The following PID1 variants were observed in gnomAD, a reference collection of about 807,000 sequenced individuals.
PID1 encodes PTB-containing, cubilin and LRP1-interacting protein.
PID1 carries 10 observed loss-of-function variants against 19.1 expected under a neutral mutation model. The ratio of observed to expected loss-of-function variants is 0.52; its 90% CI spans 0.32 to 0.89. The LOEUF is 0.89. Among genes scored for constraint, PID1 ranks in the 40% least tolerant of loss-of-function variants. The pLI, the probability that PID1 is intolerant of heterozygous loss-of-function variation, is 0.03. For missense variants in PID1, 248 were observed against 285.3 expected (o/e 0.87, Z 0.94); for synonymous variants, 130 against 116.0 (o/e 1.12, Z -0.78).
At chr2:229,070,410 T>C (rs185859956) in intron 2 of PID1, among the ~76,000 whole-genome samples, 16 of 152,334 alleles carry the variant, frequency 1.1e-4, no homozygotes, top group Admixed American at 4.6e-4. Flanking sequence ...AGATAACCCA[T>C]GTAAAGGGCT....
At chr2:229,201,829 G>A (rs915416058) in intron 1 of PID1, among the ~76,000 whole-genome samples, 1 of 151,920 alleles carries the variant, frequency 6.6e-6, no homozygotes, top group Non-Finnish European at 1.5e-5. Flanking sequence ...AATAGGTGTC[G>A]GGTAGTATCT....
In PID1 at chr2:229,125,248, T is replaced by C. The variant is rs78329014; in HGVS notation, c.177+30570A>G. On this transcript the variant is annotated intron_variant, in intron 2 of 2. Coordinates refer to ENST00000392055, the MANE Select transcript of PID1 (RefSeq NM_001100818.2). The stretch of plus-strand genomic sequence containing the variant: ...GACATTCTAAATGGAAGAGGCTTCA[T>C]CAGCTTGGGTCTCAGAGTAGAAATG... Among the ~76,000 whole-genome samples the C allele has an allele frequency of 1.0e-3, 155 of 152,276 alleles. 1 individual carries two copies. Among genetic ancestry groups the C allele is most frequent in the East Asian group, 8.7e-3 (45 of 5,176 alleles).
intron 2 of PID1, among the ~76,000 whole-genome samples, chr2:229,142,387 G>A (rs918677936): frequency 6.6e-6 from 1 of 152,058 alleles, no homozygotes; most frequent in Non-Finnish European, 1.5e-5. Context: ...AATATGTATC[G>A]CCTCTCCTTC....
At chr2:229,199,660 G>A (rs1691450594) in intron 1 of PID1, among the ~76,000 whole-genome samples, 2 of 149,866 alleles carry the variant, frequency 1.3e-5, no homozygotes, top group South Asian at 4.2e-4. Context: ...GCATTTAAAG[G>A]AAGCTGCTTA....
intron 2 of PID1, among the ~76,000 whole-genome samples, chr2:229,138,997 A>G (rs1015594036): frequency 1.1e-5 from 1 of 90,384 alleles, no homozygotes; most frequent in Admixed American, 1.1e-4. Context: ...GAAAGAAAGA[A>G]AGAAAGAAAG....
intron 2 of PID1, among the ~76,000 whole-genome samples, chr2:229,085,656 G>A (rs1694750119): frequency 2.0e-5 from 3 of 152,020 alleles, no homozygotes; most frequent in Admixed American, 2.0e-4. Context: ...TGTGATACCT[G>A]ACAACACAAG....
At position 229,139,043 on chromosome 2, in the gene PID1, A is replaced by AGG. The variant is rs1553565683; in HGVS notation, c.177+16774_177+16775insCC. ...AGAAAGAAAGAAAGAAAGAAAGAGA[A>AGG]AGAAAGAAAGAAAGAGAAAGAAAGA... is the stretch of plus-strand genomic sequence containing the variant. On this transcript the variant is annotated intron_variant, in intron 2 of 2. Coordinates refer to ENST00000392055, the MANE Select transcript of PID1 (RefSeq NM_001100818.2). Among the ~76,000 whole-genome samples, 171 of 63,576 alleles carry AGG rather than the reference A, an allele frequency of 2.7e-3. 9 individuals carry two copies. Among genetic ancestry groups the AGG allele is most frequent in the Non-Finnish European group, 4.3e-3 (120 of 27,854 alleles). 41.7% of individuals were successfully genotyped at this position (63,576 alleles called of 152,430 possible). A position where few individuals can be genotyped will look rare whatever the true frequency, so the allele number is the denominator to read the frequency against.
intron 1 of PID1, among the ~76,000 whole-genome samples, chr2:229,199,033 T>C (rs1691435701): frequency 1.3e-5 from 2 of 152,004 alleles, no homozygotes; most frequent in Admixed American, 6.6e-5. Flanking sequence ...TCTAACCTCA[T>C]TTTCCTCCTC....
At chr2:229,033,644 C>T (rs759574857) in intron 2 of PID1, among the ~76,000 whole-genome samples, 3 of 151,976 alleles carry the variant, frequency 2.0e-5, no homozygotes, top group Admixed American at 6.6e-5. Context: ...TAAACCTGCA[C>T]GTTCTGCACA....
intron 2 of PID1, among the ~76,000 whole-genome samples, chr2:229,045,222 G>C (rs1481086185): frequency 6.6e-6 from 1 of 152,154 alleles, no homozygotes; most frequent in Non-Finnish European, 1.5e-5. Flanking sequence ...CCAAAATATT[G>C]GGATTACAGG....
At chr2:229,038,834 A>G (rs1241030415) in intron 2 of PID1, among the ~76,000 whole-genome samples, 2 of 152,222 alleles carry the variant, frequency 1.3e-5, no homozygotes, top group African/African-American at 4.8e-5. Context: ...CTTATTGTCA[A>G]CTTGTTAATG....
intron 2 of PID1, among the ~76,000 whole-genome samples, chr2:229,150,236 A>G (rs1450211136): frequency 2.0e-5 from 3 of 151,830 alleles, no homozygotes; most frequent in Non-Finnish European, 2.9e-5. Flanking sequence ...ACTCAAAAAA[A>G]AAAAAAAAGG....
chr2:229,269,368 G>A (rs559859512), intron 1 of PID1, among the ~76,000 whole-genome samples: 13 of 152,344 alleles, frequency 8.5e-5, no homozygotes, highest in East Asian at 5.8e-4. Flanking sequence ...AAGCGAGAGC[G>A]CCCACCTGCC....
intron 2 of PID1, among the ~76,000 whole-genome samples, chr2:229,069,141 TTTTGTGTG>T (rs1331917523): frequency 5.5e-4 from 71 of 128,808 alleles, no homozygotes; most frequent in Non-Finnish European, 8.7e-4. Flanking sequence ...CGAGAAGGGT[TTTTGTGTG>T]TGTGTGTGTG....
intron 2 of PID1, among the ~76,000 whole-genome samples, chr2:229,059,968 G>T (rs1220598853): frequency 6.6e-6 from 1 of 151,892 alleles, no homozygotes; most frequent in African/African-American, 2.4e-5. Flanking sequence ...TTTCCCACCA[G>T]TTGACTTTTA....
intron 2 of PID1, among the ~76,000 whole-genome samples, chr2:229,119,026 T>C (rs1695466139): frequency 6.6e-6 from 1 of 152,224 alleles, no homozygotes; most frequent in Non-Finnish European, 1.5e-5. Context: ...TAATTTGTTG[T>C]CTGTACCTGA....
intron 1 of PID1, among the ~76,000 whole-genome samples, chr2:229,189,484 C>G (rs996360153): frequency 6.6e-6 from 1 of 152,188 alleles, no homozygotes; most frequent in African/African-American, 2.4e-5. Flanking sequence ...CACCCGAAGA[C>G]AGGAGTTCAA....
At chr2:229,139,121 G>GAA (rs1253548544) in intron 2 of PID1, among the ~76,000 whole-genome samples, 2 of 104,498 alleles carry the variant, frequency 1.9e-5, no homozygotes, top group Non-Finnish European at 4.0e-5. Context: ...GAAAGAGAAA[G>GAA]AAAGAAAGAA....
At chr2:229,232,098 G>A (rs901685060) in intron 1 of PID1, 2 of 1,492,610 alleles carry the variant, frequency 1.3e-6, no homozygotes, top group African/African-American at 1.4e-5. Flanking sequence ...CATTCAAGAG[G>A]GGAGGAGCCC....
Sources: allele counts gnomAD v4.1 joint callset (sites outside exome capture counted in the v4.1 genomes callset), GRCh38; gene constraint gnomAD v4.1.1; transcripts MANE v1.5; gene names NCBI Gene and HGNC (gene_info 2026-07-23, HGNC 2026-07-21).